The following ZNF362 variants were observed in gnomAD, a reference collection of about 807,000 sequenced individuals.
The protein encoded by ZNF362 is rotund homolog.
In ZNF362, 11 loss-of-function variants were observed where a neutral mutation model predicts 42.9. That is an observed-to-expected ratio of 0.26 (90% CI 0.16 to 0.42). The LOEUF is 0.42. ZNF362 is among the 20% of genes least tolerant of loss of function. The pLI, the probability that ZNF362 is intolerant of heterozygous loss-of-function variation, is 1.00. For missense variants in ZNF362, 362 were observed against 576.2 expected, an observed-to-expected ratio of 0.63 and a Z score of 3.81; for synonymous variants, 255 against 257.3, an observed-to-expected ratio of 0.99 and a Z score of 0.09.
chr1:33,188,577 G>T, the ZNF362 span, among the ~76,000 whole-genome samples: 1 of 152,180 alleles, frequency 6.6e-6, no homozygotes, highest in Admixed American at 6.5e-5. Flanking sequence ...GTAATCAACT[G>T]GCACCATGTG....
the ZNF362 span, among the ~76,000 whole-genome samples, chr1:33,150,286 G>A: frequency 6.6e-6 from 1 of 151,920 alleles, no homozygotes; most frequent in Non-Finnish European, 1.5e-5. Flanking sequence ...TGCTTGGCTG[G>A]AGCATTCTCC....
the ZNF362 span, chr1:33,181,354 C>T: frequency 5.0e-6 from 8 of 1,591,852 alleles, no homozygotes; most frequent in Non-Finnish European, 6.8e-6. The surrounding 1 kb of genome is among the most constrained non-coding windows in gnomAD (Gnocchi z 6.5). Context: ...AAGTAATGCT[C>T]GCAGCCCAGG....
the ZNF362 span, among the ~76,000 whole-genome samples, chr1:33,227,870 T>C: frequency 4.2e-5 from 6 of 143,996 alleles, no homozygotes; most frequent in African/African-American, 7.7e-5. Flanking sequence ...CTTTTTTTTT[T>C]CCCACTCAGT....
At position 33,280,554 on chromosome 1, in the gene ZNF362, C is replaced by G; in HGVS notation, c.683+97C>G. The G allele has an allele frequency of 6.9e-7, 1 of 1,457,926 alleles. No individual in the cohort carries two copies. The highest frequency in any genetic ancestry group is 9.1e-7 in the Non-Finnish European group (1 of 1,101,208). The allele number at this position is 1,457,926 out of a possible 1,614,324, so 90.3% of individuals were successfully genotyped here. On this transcript the variant is annotated intron_variant, in intron 5 of 8. Transcript: ENST00000539719. The surrounding 1 kb of genome is among the most constrained non-coding windows in gnomAD (Gnocchi z 5.6). ...CCAGCAGCGGGGCTGAAACAGGACC[C>G]TTAGGGCTGAGGGGCAGGGCTAGGG...
the ZNF362 span, among the ~76,000 whole-genome samples, chr1:33,202,774 A>G: frequency 1.3e-5 from 2 of 152,124 alleles, no homozygotes; most frequent in African/African-American, 4.8e-5. Context: ...CCAGCACTCA[A>G]TCTTGATTAA....
the ZNF362 span, among the ~76,000 whole-genome samples, chr1:33,174,876 T>C: frequency 2.0e-5 from 3 of 151,100 alleles, no homozygotes; most frequent in African/African-American, 4.9e-5. Context: ...ATGGCACAGA[T>C]ACTGGCTAAA....
At position 33,298,952 on chromosome 1, in the gene ZNF362, T is replaced by C; in HGVS notation, c.1169T>C (p.Met390Thr). 1.9e-6 allele frequency: 3 copies of C among 1,614,000 alleles called. No individual in the cohort carries two copies. Among genetic ancestry groups the C allele is most frequent in the Non-Finnish European group, 1.7e-6 (2 of 1,180,020 alleles). Residue 390 changes from methionine (M) to threonine (T), a missense_variant, in exon 9 of 9, where the codon ATG becomes ACG. By Grantham distance (81) the Met-to-Thr change is moderately conservative (BLOSUM62 -1). Coordinates refer to ENST00000539719, the MANE Select transcript of ZNF362 (RefSeq NM_152493.3). The stretch of plus-strand genomic sequence containing the variant: ...CAGGAGACCTACCTGATGAAGCACA[T>C]GTCCAAACACACGGTGGTGGAGCAC... ...YTSETYLMKH[M>T]SKHTVVEHLV...
the ZNF362 span, among the ~76,000 whole-genome samples, chr1:33,224,932 G>C: frequency 6.6e-6 from 1 of 151,718 alleles, no homozygotes; most frequent in Admixed American, 6.6e-5. Context: ...TATATTCAAA[G>C]AATCTACAAT....
At chr1:33,277,873 C>T (rs951323196) in intron 4 of ZNF362, among the ~76,000 whole-genome samples, 3 of 152,106 alleles carry the variant, frequency 2.0e-5, no homozygotes, top group Non-Finnish European at 2.9e-5. Flanking sequence ...GAGGCCTCCT[C>T]GGAGCTTGGT....
At chr1:33,189,722 TACACAC>T in the ZNF362 span, among the ~76,000 whole-genome samples, 1 of 102,952 alleles carries the variant, frequency 9.7e-6, no homozygotes, top group Non-Finnish European at 1.9e-5. Context: ...TATATATACA[TACACAC>T]ATACACATAT....
At chr1:33,156,915 C>T in the ZNF362 span, among the ~76,000 whole-genome samples, 23 of 151,986 alleles carry the variant, frequency 1.5e-4, no homozygotes, top group Non-Finnish European at 2.5e-4. Flanking sequence ...AAAATATGTC[C>T]TAAATCCCAC....
At chr1:33,270,122 C>T (rs1645891117) in intron 1 of ZNF362, among the ~76,000 whole-genome samples, 1 of 152,164 alleles carries the variant, frequency 6.6e-6, no homozygotes, top group African/African-American at 2.4e-5. Context: ...TGACACAGTT[C>T]CCAGTCCATT....
chr1:33,142,348 A>G, the ZNF362 span: 3 of 152,320 alleles, frequency 2.0e-5, no homozygotes, highest in Admixed American at 6.5e-5. Context: ...TGCTGCCAAG[A>G]GAATGTATCT....
chr1:33,219,782 A>G, the ZNF362 span, among the ~76,000 whole-genome samples: 888 of 152,192 alleles, frequency 5.8e-3, 8 homozygotes, highest in East Asian at 0.014. Flanking sequence ...ACCTCTCCCC[A>G]TCTCTCACAC....
chr1:33,223,819 G>T, the ZNF362 span, among the ~76,000 whole-genome samples: 1 of 151,830 alleles, frequency 6.6e-6, no homozygotes, highest in Non-Finnish European at 1.5e-5. Context: ...CTTGAACCAG[G>T]GAGGTGGAGG....
At chr1:33,232,557 G>A in the ZNF362 span, among the ~76,000 whole-genome samples, 721 of 152,246 alleles carry the variant, frequency 4.7e-3, 7 homozygotes, top group African/African-American at 0.016. Flanking sequence ...CACCGCGCCC[G>A]GCCAGAAATG....
chr1:33,143,963 T>C, the ZNF362 span, among the ~76,000 whole-genome samples: 1 of 152,226 alleles, frequency 6.6e-6, no homozygotes, highest in Non-Finnish European at 1.5e-5. Flanking sequence ...ATGGCCCCCA[T>C]GTCTCTTGCC....
At position 33,276,481 on chromosome 1, in the gene ZNF362, G is replaced by A. The variant is rs2148096775; in HGVS notation, c.236G>A (p.Ser79Asn). Reference protein sequence around the residue: ...LLVPPAPAESSQAVMSLPKLQ... With the variant: ...LLVPPAPAESNQAVMSLPKLQ... ...GTGCCGCCGGCACCCGCCGAGAGCA[G>A]CCAGGCCGTCATGTCGCTGCCCAAG... The change falls in exon 4 of 9, where the codon AGC (serine) becomes AAC (asparagine). Residue 79 changes from serine to asparagine, a missense_variant. By Grantham distance (46) the Ser-to-Asn change is conservative (BLOSUM62 1). Transcript: ENST00000539719. The A allele has an allele frequency of 1.9e-6, 3 of 1,589,916 alleles. No individual in the cohort carries two copies. Among genetic ancestry groups the A allele is most frequent in the Non-Finnish European group, 1.7e-6 (2 of 1,171,478 alleles).
At chr1:33,154,717 G>C in the ZNF362 span, among the ~76,000 whole-genome samples, 7 of 151,390 alleles carry the variant, frequency 4.6e-5, no homozygotes, top group Non-Finnish European at 8.8e-5. Flanking sequence ...AAAATCGCCT[G>C]AACCCAGGAG....
Sources: allele counts gnomAD v4.1 joint callset (sites outside exome capture counted in the v4.1 genomes callset), GRCh38; gene constraint gnomAD v4.1.1; non-coding constraint Gnocchi (gnomAD v3.1); transcripts MANE v1.5; gene names NCBI Gene and HGNC (gene_info 2026-07-23, HGNC 2026-07-21).